MAP3K9: variants seen among roughly 807,000 people sequenced by gnomAD.
MAP3K9 encodes mitogen-activated protein kinase kinase kinase 9.
MAP3K9 carries 46 observed loss-of-function variants against 95.8 expected under a neutral mutation model. That is an observed-to-expected ratio of 0.48 (90% CI 0.38 to 0.61). The LOEUF (loss-of-function observed/expected upper bound fraction) is 0.61. MAP3K9 is among the 20% of genes least tolerant of loss of function. MAP3K9 has a pLI of 0.00. For missense variants in MAP3K9, 1,296 were observed against 1,474.3 expected (o/e 0.88, Z 1.98); for synonymous variants, 533 against 593.8 (o/e 0.90, Z 1.49).
chr14:70,758,942 AC>A (rs1253274662), intron 3 of MAP3K9, among the ~76,000 whole-genome samples: 2 of 152,176 alleles, frequency 1.3e-5, no homozygotes, highest in African/African-American at 2.4e-5. Context: ...TTGTATTACA[AC>A]ATGGATGAAT....
At chr14:70,751,875 C>CA (rs2054233138) in intron 3 of MAP3K9, among the ~76,000 whole-genome samples, 1 of 152,130 alleles carries the variant, frequency 6.6e-6, no homozygotes, top group African/African-American at 2.4e-5. Flanking sequence ...AAGTTTTAGA[C>CA]ATGTTTAGGA....
rs929595293 is a variant in MAP3K9, at chr14:70,728,941, C to G, written c.*1439G>C. On this transcript the variant is annotated 3_prime_UTR_variant, in exon 12 of 12. Transcript: ENST00000554752. ...TCATTCCCACATAAAGACAACTGTT[C>G]ACACATAACACAGGAGGCCTCAGAG... The G allele has an allele frequency of 1.3e-5, 2 of 152,212 alleles. No individual in the cohort carries two copies. The highest frequency in any genetic ancestry group is 2.9e-5 in the Non-Finnish European group (2 of 68,056). 9.4% of individuals were successfully genotyped at this position (152,212 alleles called of 1,614,324 possible).
At chr14:70,778,172 A>G (rs998446549) in intron 2 of MAP3K9, among the ~76,000 whole-genome samples, 2 of 151,860 alleles carry the variant, frequency 1.3e-5, no homozygotes, top group African/African-American at 4.8e-5. Flanking sequence ...GTATAATCTC[A>G]GCTCACTGCA....
Position 70,732,810 on chromosome 14 carries a change from G to A in MAP3K9, c.2559C>T (p.Asp853=). The change falls in exon 11 of 12, where the codon GAC becomes GAT. Residue 853 remains aspartate, a synonymous_variant. Transcript: ENST00000554752. Reference sequence around the variant, plus strand: ...TCTCATACACGACAATTTCATCGCTGTCGGAGCGCAGCAGGGAGCGTGTGG... The same window carrying A: ...TCTCATACACGACAATTTCATCGCTATCGGAGCGCAGCAGGGAGCGTGTGG... ...CNSTRSLLRS[D]SDEIVVYEMP... is the part of the protein sequence containing the mutation. 6.2e-7 allele frequency: 1 copy of A among 1,614,132 alleles called. No homozygotes were observed. The highest frequency in any genetic ancestry group is 1.1e-5 in the South Asian group (1 of 91,082).
chr14:70,802,748 T>C (rs1164657846), intron 1 of MAP3K9, among the ~76,000 whole-genome samples: 2 of 152,162 alleles, frequency 1.3e-5, no homozygotes, highest in Non-Finnish European at 2.9e-5. Flanking sequence ...CAATGCCTAT[T>C]GTCCAGGCCA....
intron 1 of MAP3K9, among the ~76,000 whole-genome samples, chr14:70,803,780 T>C (rs770421869): frequency 3.9e-5 from 6 of 152,224 alleles, no homozygotes; most frequent in Non-Finnish European, 5.9e-5. Flanking sequence ...AGAATGAATG[T>C]CATGGCAGAA....
At chr14:70,806,197 C>A (rs1045213244) in intron 1 of MAP3K9, among the ~76,000 whole-genome samples, 2 of 152,198 alleles carry the variant, frequency 1.3e-5, no homozygotes, top group African/African-American at 4.8e-5. Flanking sequence ...ACAAACTGAT[C>A]TGGTAGAGCA....
chr14:70,733,305 ACT>A lies in MAP3K9; in HGVS notation c.2062_2063del (p.Arg689ProfsTer26). The A allele has an allele frequency of 6.5e-7, 1 of 1,548,026 alleles. No individual in the cohort carries two copies. On this transcript the variant is annotated frameshift_variant, in exon 11 of 12. Transcript: ENST00000554752. LOFTEE classifies it high-confidence loss of function. ...ACTGGCTGGGTGAATGCTGTAGGCGACTCTCTCCACTCCCTGGGCCTTCACTG... is the reference window on the plus strand; with the variant it reads ...ACTGGCTGGGTGAATGCTGTAGGCGACTCTCCACTCCCTGGGCCTTCACTG... ...EDSEGPGSGE[S>X]RLQHSPSQSY...
intron 8 of MAP3K9, among the ~76,000 whole-genome samples, chr14:70,737,956 G>A (rs2054008184): frequency 6.6e-6 from 1 of 152,166 alleles, no homozygotes; most frequent in Admixed American, 6.5e-5. Context: ...CATGGTCTCT[G>A]GAGGCTTCTG....
At chr14:70,771,635 C>CA (rs1269029657) in intron 2 of MAP3K9, among the ~76,000 whole-genome samples, 3 of 152,134 alleles carry the variant, frequency 2.0e-5, no homozygotes, top group Admixed American at 6.5e-5. Flanking sequence ...TCTGACATTC[C>CA]TGGAGTCTGT....
chr14:70,779,058 A>T (rs1566758010), intron 2 of MAP3K9, among the ~76,000 whole-genome samples: 1 of 152,194 alleles, frequency 6.6e-6, no homozygotes, highest in African/African-American at 2.4e-5. Flanking sequence ...CAGAGGGAAT[A>T]ACGTGAGTCC....
In MAP3K9 at chr14:70,809,005, TAGGGCAGCGGCGCGTCGC is replaced by T. The variant is rs768332552; in HGVS notation, c.149_166del (p.Cys50_Pro55del). 2.6e-6 allele frequency: 4 copies of T among 1,533,786 alleles called. No homozygotes were observed. The highest frequency in any genetic ancestry group is 3.5e-6 in the Non-Finnish European group (4 of 1,146,994). ...CTCGTACTCGAACACGGCCGTCCAG[TAGGGCAGCGGCGCGTCGC>T]AGCCCAGCTCCCCGGGGCCCACCGC... On this transcript the variant is annotated inframe_deletion, in exon 1 of 12. Coordinates refer to ENST00000554752, the MANE Select transcript of MAP3K9 (RefSeq NM_001284230.2).
chr14:70,755,277 A>G (rs960609543), intron 3 of MAP3K9, among the ~76,000 whole-genome samples: 48 of 152,274 alleles, frequency 3.2e-4, no homozygotes, highest in African/African-American at 1.1e-3. Context: ...CCTCCCTGAG[A>G]CACCCTGCTG....
At chr14:70,795,908 A>G (rs1485588522) in intron 2 of MAP3K9, among the ~76,000 whole-genome samples, 1 of 151,518 alleles carries the variant, frequency 6.6e-6, no homozygotes, top group Non-Finnish European at 1.5e-5. Context: ...GGCGCCCACC[A>G]CCACCCCAGG....
At position 70,730,504 on chromosome 14, in the gene MAP3K9, T is replaced by G. The variant is rs778449870; in HGVS notation, c.3191A>C (p.Glu1064Ala). The G allele has an allele frequency of 6.2e-7, 1 of 1,614,058 alleles. No individual in the cohort carries two copies. Among genetic ancestry groups the G allele is most frequent in the East Asian group, 2.2e-5 (1 of 44,870 alleles). The part of the protein sequence containing the change: ...PFQAGPLPPT[E>A]RTLLDLDAEG... Reference sequence around the variant, plus strand: ...TGCATCCAGGTCCAGGAGCGTCCGCTCAGTCGGGGGCAGCGGCCCTGCCTG... The same window carrying G: ...TGCATCCAGGTCCAGGAGCGTCCGCGCAGTCGGGGGCAGCGGCCCTGCCTG... The change falls in exon 12 of 12, where the codon GAG becomes GCG. Residue 1064 changes from glutamate to alanine, a missense_variant. By Grantham distance (107) the Glu-to-Ala change is moderately radical. Transcript: ENST00000554752.
rs965981059 is a variant in MAP3K9, at chr14:70,730,544, C to A, written c.3151G>T (p.Ala1051Ser). Reference protein sequence around the residue: ...STVEERPGLPALLPFQAGPLP... With the variant: ...STVEERPGLPSLLPFQAGPLP... ...GGCCCTGCCTGGAACGGGAGCAGGG[C>A]TGGAAGTCCAGGCCGCTCCTCTACA... is the stretch of plus-strand genomic sequence containing the variant. Residue 1051 changes from alanine (A) to serine (S), a missense_variant, in exon 12 of 12, where the codon GCC becomes TCC. Physicochemically the swap from Ala to Ser is moderately conservative, Grantham distance 99. This residue lies in a region of MAP3K9 where 433 missense variants were observed against 441.4 expected (regional missense o/e 0.98). Coordinates refer to ENST00000554752, the MANE Select transcript of MAP3K9 (RefSeq NM_001284230.2). 12 of 1,613,996 alleles carry A rather than the reference C, an allele frequency of 7.4e-6. No homozygotes were observed. In the African/African-American group the frequency reaches 1.2e-4, roughly 16 times the overall value.
chr14:70,797,322 G>A (rs2054875367), intron 2 of MAP3K9, among the ~76,000 whole-genome samples: 1 of 152,010 alleles, frequency 6.6e-6, no homozygotes, highest in African/African-American at 2.4e-5. Context: ...AAGAAGTTAT[G>A]GCTCCCAAGC....
chr14:70,758,214 T>C (rs1009080415), intron 3 of MAP3K9, among the ~76,000 whole-genome samples: 3 of 152,190 alleles, frequency 2.0e-5, no homozygotes, highest in South Asian at 2.1e-4. Context: ...AATTTTTAAA[T>C]TGGCAAAGGA....
chr14:70,735,730 A>G (rs1269500353), intron 9 of MAP3K9, among the ~76,000 whole-genome samples: 3 of 152,230 alleles, frequency 2.0e-5, no homozygotes, highest in African/African-American at 4.8e-5. Context: ...GAGTGCCAGG[A>G]GTATCCTAAT....
Sources: allele counts gnomAD v4.1 joint callset (sites outside exome capture counted in the v4.1 genomes callset), GRCh38; gene constraint gnomAD v4.1.1; regional missense constraint gnomAD v4.1.1; transcripts MANE v1.5; gene names NCBI Gene and HGNC (gene_info 2026-07-23, HGNC 2026-07-21).